ATAD2: variants seen among roughly 807,000 people sequenced by gnomAD.
The protein encoded by ATAD2 is ATPase family AAA domain-containing protein 2.
In ATAD2, 62 loss-of-function variants were observed where a neutral mutation model predicts 168.9. The observed-to-expected ratio is 0.37, with a 90% CI of 0.30 to 0.45. The LOEUF (loss-of-function observed/expected upper bound fraction) is 0.45, where lower values mean the gene tolerates loss of function less well. Ranked by LOEUF, ATAD2 falls within the 20% of genes least tolerant of loss-of-function variation. The pLI, the probability that ATAD2 is intolerant of heterozygous loss-of-function variation, is 1.00. For missense variants in ATAD2, 1,419 were observed against 1,667.8 expected (o/e 0.85, Z 2.60); for synonymous variants, 613 against 571.6 (o/e 1.07, Z -1.03).
chr8:123,401,460 C>T, intron 1 of ATAD2: 2 of 1,509,504 alleles, frequency 1.3e-6, no homozygotes, highest in Non-Finnish European at 1.8e-6. Flanking sequence ...GTACTCCCAC[C>T]TCCAGGTGAT....
intron 22 of ATAD2, among the ~76,000 whole-genome samples, chr8:123,335,816 A>C (rs1423014688): frequency 6.6e-6 from 1 of 152,196 alleles, no homozygotes; most frequent in African/African-American, 2.4e-5. Flanking sequence ...ATTTTATATT[A>C]ATAGATGCGA....
intron 2 of ATAD2, among the ~76,000 whole-genome samples, chr8:123,374,889 G>A (rs1299958824): frequency 1.3e-5 from 2 of 152,106 alleles, no homozygotes; most frequent in Admixed American, 6.5e-5. Flanking sequence ...AGAACCCCAG[G>A]ATCAAGTAAG....
Position 123,359,705 on chromosome 8 carries a change from A to T in ATAD2, c.1158-20T>A. ...AGGCACCTATTTAAAAAGATTTTTT[A>T]AAACCACACAAACCCATCAACTCAC... On this transcript the variant is annotated intron_variant, in intron 9 of 27. Coordinates refer to ENST00000287394, the MANE Select transcript of ATAD2 (RefSeq NM_014109.4). The T allele has an allele frequency of 6.4e-7, 1 of 1,560,348 alleles. No homozygotes were observed. Among genetic ancestry groups the T allele is most frequent in the East Asian group, 2.2e-5 (1 of 44,562 alleles).
intron 24 of ATAD2, among the ~76,000 whole-genome samples, chr8:123,329,784 T>C (rs1377450549): frequency 1.4e-5 from 2 of 140,276 alleles, no homozygotes; most frequent in Admixed American, 1.5e-4. Context: ...AATTTTTCAC[T>C]TTAACCCAAT....
Position 123,326,040 on chromosome 8 carries a change from T to G in ATAD2, c.3869-14A>C, listed in dbSNP as rs189878754. The G allele has an allele frequency of 5.6e-6, 9 of 1,612,212 alleles. 1 individual carries two copies. Among genetic ancestry groups the G allele is most frequent in the Middle Eastern group, 3.3e-4 (2 of 6,046 alleles). On this transcript the variant is annotated splice_polypyrimidine_tract_variant and intron_variant, in intron 25 of 27. Transcript: ENST00000287394. ...GAACACACATTTCTAGAATGAAAAA[T>G]CAAATGATTATTATTTGGTCCATAG... is the stretch of plus-strand genomic sequence containing the variant.
chr8:123,383,765 T>A (rs1829564908), intron 1 of ATAD2, among the ~76,000 whole-genome samples: 1 of 144,920 alleles, frequency 6.9e-6, no homozygotes, highest in South Asian at 2.2e-4. Flanking sequence ...AAGAGCAAAA[T>A]TCAGTCTCAA....
chr8:123,400,786 G>A, upstream of ATAD2: 1 of 869,900 alleles, frequency 1.1e-6, no homozygotes, highest in Non-Finnish European at 2.0e-6. The surrounding 1 kb of genome is among the most constrained non-coding windows in gnomAD (Gnocchi z 4.5). Flanking sequence ...CTCCTCCATG[G>A]ACACTGTGAC....
rs886813805 is a variant in ATAD2 at position 123,332,166 on chromosome 8, G to A, written c.3478+1712C>T. ...TACCTAACTTTTTCACTATTTCTAGGCTACGTGATTCAATCTGCAAGTTTT... is the reference window on the plus strand; with the variant it reads ...TACCTAACTTTTTCACTATTTCTAGACTACGTGATTCAATCTGCAAGTTTT... On this transcript the variant is annotated intron_variant, in intron 24 of 27. Transcript: ENST00000287394. 2.6e-5 allele frequency among the ~76,000 whole-genome samples: 4 copies of A among 151,960 alleles called. No individual in the cohort carries two copies. The South Asian group carries it at 8.3e-4, about 32-fold the overall frequency.
intron 2 of ATAD2, among the ~76,000 whole-genome samples, chr8:123,376,002 A>T (rs550747049): frequency 6.6e-6 from 1 of 152,066 alleles, no homozygotes; most frequent in African/African-American, 2.4e-5. Context: ...GCTACTCGGG[A>T]GGCTGAGGCA....
intron 1 of ATAD2, among the ~76,000 whole-genome samples, chr8:123,383,841 T>C (rs1829567417): frequency 6.6e-6 from 1 of 151,390 alleles, no homozygotes; most frequent in African/African-American, 2.4e-5. Flanking sequence ...CCCAACACTT[T>C]GGGAGGCTGA....
chr8:123,377,593 T>A (rs1010510333), intron 2 of ATAD2, among the ~76,000 whole-genome samples: 1 of 152,184 alleles, frequency 6.6e-6, no homozygotes, highest in African/African-American at 2.4e-5. Context: ...ATAAGGGGTT[T>A]TGCTAAAATG....
At chr8:123,329,592 C>T (rs865885160) in intron 24 of ATAD2, among the ~76,000 whole-genome samples, 9 of 151,808 alleles carry the variant, frequency 5.9e-5, no homozygotes, top group Admixed American at 2.6e-4. Flanking sequence ...GAAACCCCAT[C>T]GCTACAAAAA....
At chr8:123,374,185 C>A (rs748149540) in intron 2 of ATAD2, among the ~76,000 whole-genome samples, 32 of 152,006 alleles carry the variant, frequency 2.1e-4, no homozygotes, top group Non-Finnish European at 4.3e-4. Flanking sequence ...TAGTTAAAAA[C>A]AAACAAACAA....
Position 123,347,391 on chromosome 8 carries a change from T to C in ATAD2, c.1913A>G (p.Asp638Gly). 1 of 1,611,494 alleles carries C rather than the reference T, an allele frequency of 6.2e-7. No individual in the cohort carries two copies. The highest frequency in any genetic ancestry group is 1.1e-5 in the South Asian group (1 of 90,724). ...AENCVGYCGADIKSICAEAAL... is the reference protein window; with the variant it reads ...AENCVGYCGAGIKSICAEAAL... Reference sequence around the variant, plus strand: ...AGCTTCAGCACATATTGATTTAATATCTGCTCCACAGTATCCTATCCAAAG... The same window carrying C: ...AGCTTCAGCACATATTGATTTAATACCTGCTCCACAGTATCCTATCCAAAG... Residue 638 changes from aspartate to glycine, a missense_variant, in exon 16 of 28, where the codon GAT (aspartate) becomes GGT (glycine). This residue lies in a region of ATAD2 where 545 missense variants were observed against 724.9 expected (regional missense o/e 0.75). Transcript: ENST00000287394.
intron 25 of ATAD2, among the ~76,000 whole-genome samples, chr8:123,327,247 G>C (rs1048905625): frequency 1.3e-5 from 2 of 152,146 alleles, no homozygotes; most frequent in Non-Finnish European, 2.9e-5. Context: ...ATTGTTGTGA[G>C]AGCCAGGATA....
intron 6 of ATAD2, 81 bp downstream of exon 6, chr8:123,370,822 T>G: frequency 9.9e-7 from 1 of 1,006,302 alleles, no homozygotes; most frequent in Non-Finnish European, 1.4e-6. Context: ...TGTCACACCT[T>G]CTAGCTAAAA....
chr8:123,372,837 TC>T, intron 2 of ATAD2, 151 bp from the exon 3 acceptor site: 1 of 510,774 alleles, frequency 2.0e-6, no homozygotes, highest in African/African-American at 2.0e-5. Flanking sequence ...AAGCAATACC[TC>T]CCACCTCAGC....
At position 123,369,945 on chromosome 8, in the gene ATAD2, GTCA is replaced by G. The variant is rs539981908; in HGVS notation, c.804_806del (p.Asp277del). On this transcript the variant is annotated inframe_deletion, in exon 7 of 28. Transcript: ENST00000287394. ...CATCATCATCATCATCATCATCATC[GTCA>G]TCATCATCATCATCTTCATCATCTT... 2.1e-3 allele frequency: 3,105 copies of G among 1,496,616 alleles called. 11 individuals carry two copies. The highest frequency in any genetic ancestry group is 8.7e-3 in the African/African-American group (423 of 48,482). 92.7% of individuals were successfully genotyped at this position (1,496,616 alleles called of 1,614,324 possible). A position where few individuals can be genotyped will look rare whatever the true frequency, so the allele number is the denominator to read the frequency against.
At chr8:123,415,345 TA>T (rs979365232) in intron 1 of ATAD2, among the ~76,000 whole-genome samples, 2 of 152,186 alleles carry the variant, frequency 1.3e-5, no homozygotes, top group African/African-American at 4.8e-5. Flanking sequence ...TGAGAGGCAA[TA>T]AAATTGGTAA....
Sources: gnomAD v4.1 joint callset for allele counts (sites outside exome capture counted in the v4.1 genomes callset) on GRCh38, gnomAD v4.1.1 for gene constraint, gnomAD v4.1.1 regional missense constraint, Gnocchi (gnomAD v3.1) non-coding constraint, MANE v1.5 for transcripts, NCBI Gene and HGNC (gene_info 2026-07-23, HGNC 2026-07-21) for gene names.